PDE1C: variants seen among roughly 807,000 people sequenced by gnomAD.
PDE1C encodes the protein dual specificity calcium/calmodulin-dependent 3',5'-cyclic nucleotide phosphodiesterase 1C.
PDE1C carries 62 observed loss-of-function variants against 93.1 expected under a neutral mutation model. The ratio of observed to expected loss-of-function variants is 0.67; its 90% CI spans 0.54 to 0.82. PDE1C has a LOEUF of 0.82. Among genes scored for constraint, PDE1C ranks in the 40% least tolerant of loss-of-function variants. The pLI is 0.00. For missense variants in PDE1C, 742 were observed against 884.6 expected, an observed-to-expected ratio of 0.84 and a Z score of 2.04; for synonymous variants, 325 against 310.1, an observed-to-expected ratio of 1.05 and a Z score of -0.50.
At chr7:32,328,033 C>T (rs1783439038) in intron 1 of PDE1C, among the ~76,000 whole-genome samples, 1 of 152,148 alleles carries the variant, frequency 6.6e-6, no homozygotes, top group Non-Finnish European at 1.5e-5. Context: ...TCTTGGTGCA[C>T]ATATGTAGGC....
chr7:32,167,728 C>T (rs1802391113), intron 3 of PDE1C, among the ~76,000 whole-genome samples: 1 of 152,048 alleles, frequency 6.6e-6, no homozygotes, highest in Non-Finnish European at 1.5e-5. Flanking sequence ...AGGTGATGAC[C>T]ATATTTCATG....
At chr7:31,716,677 A>G in the PDE1C span, among the ~76,000 whole-genome samples, 1 of 152,198 alleles carries the variant, frequency 6.6e-6, no homozygotes, top group Non-Finnish European at 1.5e-5. Context: ...ACGTAGTTAT[A>G]TTGCTTTCTT....
chr7:32,028,306 G>C (rs1205111742), intron 2 of PDE1C, among the ~76,000 whole-genome samples: 3 of 152,070 alleles, frequency 2.0e-5, no homozygotes, highest in Non-Finnish European at 2.9e-5. Flanking sequence ...CAGGTCCCAA[G>C]CTTCTCCCTT....
chr7:32,370,806 AAATAAATAAG>A (rs1182592068), intron 1 of PDE1C, among the ~76,000 whole-genome samples: 1 of 151,920 alleles, frequency 6.6e-6, no homozygotes, highest in East Asian at 1.9e-4. Context: ...ATAAATAAAT[AAATAAATAAG>A]AATATCTTGC....
intron 1 of PDE1C, among the ~76,000 whole-genome samples, chr7:32,228,376 C>A (rs1392039288): frequency 6.6e-6 from 1 of 152,166 alleles, no homozygotes; most frequent in Non-Finnish European, 1.5e-5. Flanking sequence ...GGACCTGGGA[C>A]CTGCATAGTC....
At chr7:31,904,588 T>C (rs570245984) in intron 2 of PDE1C, among the ~76,000 whole-genome samples, 4 of 151,900 alleles carry the variant, frequency 2.6e-5, no homozygotes, top group African/African-American at 4.8e-5. Flanking sequence ...CGACTCACTA[T>C]AGAAATGGCT....
chr7:31,679,409 C>T, the PDE1C span, among the ~76,000 whole-genome samples: 1 of 152,106 alleles, frequency 6.6e-6, no homozygotes, highest in Non-Finnish European at 1.5e-5. Flanking sequence ...TTCGCATATT[C>T]CTAAATTGTG....
intron 3 of PDE1C, among the ~76,000 whole-genome samples, chr7:32,153,886 T>C (rs958704590): frequency 6.6e-6 from 1 of 152,034 alleles, no homozygotes; most frequent in African/African-American, 2.4e-5. Context: ...TCTCTCTCTT[T>C]CCCCCCACAA....
chr7:31,816,689 G>A (rs1788313153), intron 14 of PDE1C, among the ~76,000 whole-genome samples: 1 of 152,064 alleles, frequency 6.6e-6, no homozygotes, highest in Admixed American at 6.6e-5. Flanking sequence ...AACAAAAAGG[G>A]AAAATATCCA....
chr7:32,219,662 C>A (rs899283526), intron 1 of PDE1C, among the ~76,000 whole-genome samples: 1 of 152,162 alleles, frequency 6.6e-6, no homozygotes, highest in African/African-American at 2.4e-5. Flanking sequence ...CCCTGGTGGC[C>A]ACCATAAGCA....
intron 3 of PDE1C, among the ~76,000 whole-genome samples, chr7:32,167,766 G>A (rs529746203): frequency 9.2e-5 from 14 of 152,064 alleles, no homozygotes; most frequent in Non-Finnish European, 1.8e-4. Context: ...CCCTCCAAGC[G>A]TGACCAAGGA....
chr7:32,052,302 T>A (rs780166378), intron 1 of PDE1C: 1 of 485,112 alleles, frequency 2.1e-6, no homozygotes, highest in East Asian at 5.7e-5. Context: ...GCAAATCTTG[T>A]GCATCAGGCT....
intron 1 of PDE1C, among the ~76,000 whole-genome samples, chr7:32,395,221 G>T (rs1442711556): frequency 6.6e-6 from 1 of 152,150 alleles, no homozygotes; most frequent in Non-Finnish European, 1.5e-5. Flanking sequence ...ACATCAAGGA[G>T]GAAAAGACAT....
intron 3 of PDE1C, among the ~76,000 whole-genome samples, chr7:32,162,668 C>A (rs1478127783): frequency 6.6e-6 from 1 of 152,134 alleles, no homozygotes. Context: ...CTTAGGGTCC[C>A]TGCCATGCTC....
chr7:32,114,472 A>T (rs1308415827), intron 3 of PDE1C, among the ~76,000 whole-genome samples: 2 of 152,192 alleles, frequency 1.3e-5, no homozygotes, highest in African/African-American at 4.8e-5. Flanking sequence ...TTAACTCAAG[A>T]TGGACTAAAG....
intron 3 of PDE1C, among the ~76,000 whole-genome samples, chr7:32,098,612 C>T (rs1184292061): frequency 6.6e-6 from 1 of 152,098 alleles, no homozygotes; most frequent in East Asian, 1.9e-4. Context: ...TAACTGATTC[C>T]AAAGCTCTTA....
At chr7:32,190,398 G>A (rs1357363817) in intron 2 of PDE1C, among the ~76,000 whole-genome samples, 1 of 152,220 alleles carries the variant, frequency 6.6e-6, no homozygotes, top group Non-Finnish European at 1.5e-5. Context: ...CTACCTGCCT[G>A]TCCAGGGGAG....
chr7:32,349,122 T>C (rs544395233), intron 1 of PDE1C, among the ~76,000 whole-genome samples: 2 of 152,236 alleles, frequency 1.3e-5, no homozygotes, highest in Admixed American at 1.3e-4. Flanking sequence ...AGTGTCTCCA[T>C]AGAAGTAGCC....
intron 3 of PDE1C, among the ~76,000 whole-genome samples, chr7:32,115,052 G>A (rs527875974): frequency 3.1e-4 from 47 of 152,310 alleles, no homozygotes; most frequent in Admixed American, 8.5e-4. Flanking sequence ...GGAAGACAGC[G>A]TGGTGATTCC....
Sources: allele counts gnomAD v4.1 joint callset (sites outside exome capture counted in the v4.1 genomes callset), GRCh38; gene constraint gnomAD v4.1.1; transcripts MANE v1.5; gene names NCBI Gene and HGNC (gene_info 2026-07-23, HGNC 2026-07-21).